KCNB2: variants seen among roughly 807,000 people sequenced by gnomAD.
The protein encoded by KCNB2 is potassium voltage-gated channel subfamily B member 2, also known as delayed rectifier potassium channel protein.
Under a neutral mutation model 61.5 loss-of-function variants are expected in KCNB2, and 15 were observed. The observed-to-expected ratio is 0.24, with a 90% CI of 0.16 to 0.38. The LOEUF (loss-of-function observed/expected upper bound fraction) is 0.38, where lower values mean the gene tolerates loss of function less well. Ranked by LOEUF, KCNB2 falls within the 10% of genes least tolerant of loss-of-function variation. The pLI is 1.00. For missense variants in KCNB2, 828 were observed against 1,125.2 expected, an observed-to-expected ratio of 0.74 and a Z score of 3.78; for synonymous variants, 457 against 446.0, an observed-to-expected ratio of 1.02 and a Z score of -0.31.
Position 72,937,353 on chromosome 8 carries a change from G to T in KCNB2, c.1998G>T (p.Thr666=). Residue 666 remains threonine (T), a synonymous_variant, in exon 3 of 3, where the codon ACG becomes ACT. Transcript: ENST00000523207. Reference sequence around the variant, plus strand: ...AAGGACCTGCTGCCAGGGATGGCACGCTGGAGTATGCCCCAGTTGACATAA... The same window carrying T: ...AAGGACCTGCTGCCAGGGATGGCACTCTGGAGTATGCCCCAGTTGACATAA... ...REKGPAARDG[T]LEYAPVDITV... The T allele has an allele frequency of 6.2e-7, 1 of 1,614,040 alleles. No homozygotes were observed. Among genetic ancestry groups the T allele is most frequent in the East Asian group, 2.2e-5 (1 of 44,844 alleles).
At chr8:72,573,723 G>C (rs1235873764) in intron 2 of KCNB2, among the ~76,000 whole-genome samples, 1 of 151,470 alleles carries the variant, frequency 6.6e-6, no homozygotes, top group African/African-American at 2.4e-5. Context: ...TCTACATTGA[G>C]GCCCCTCTGT....
intron 2 of KCNB2, among the ~76,000 whole-genome samples, chr8:72,648,760 A>G (rs1320328709): frequency 6.6e-6 from 1 of 152,128 alleles, no homozygotes; most frequent in Non-Finnish European, 1.5e-5. Context: ...TGAATAATGC[A>G]TATCAGAAAA....
chr8:72,819,918 T>C (rs1297778262), intron 2 of KCNB2, among the ~76,000 whole-genome samples: 1 of 152,152 alleles, frequency 6.6e-6, no homozygotes, highest in African/African-American at 2.4e-5. Flanking sequence ...CAAGTACCTG[T>C]GTCTTCATAT....
At chr8:72,855,840 A>G (rs1248471011) in intron 2 of KCNB2, among the ~76,000 whole-genome samples, 1 of 152,172 alleles carries the variant, frequency 6.6e-6, no homozygotes, top group Non-Finnish European at 1.5e-5. Flanking sequence ...CACGGATACC[A>G]CAATTGGTGG....
chr8:72,628,255 C>G (rs1805822969), intron 2 of KCNB2, among the ~76,000 whole-genome samples: 4 of 152,170 alleles, frequency 2.6e-5, no homozygotes. Context: ...CGTCTGGTCA[C>G]TGATGAAGTT....
At chr8:72,644,107 T>C (rs1409832103) in intron 2 of KCNB2, among the ~76,000 whole-genome samples, 2 of 152,096 alleles carry the variant, frequency 1.3e-5, no homozygotes, top group East Asian at 1.9e-4. Context: ...TAAAATGCCA[T>C]GTTCTTTGAA....
At chr8:72,906,152 AG>A (rs1806173008) in intron 2 of KCNB2, among the ~76,000 whole-genome samples, 1 of 152,214 alleles carries the variant, frequency 6.6e-6, no homozygotes, top group Admixed American at 6.5e-5. Context: ...GCTATATTTA[AG>A]GAAGCTTTAG....
chr8:72,591,651 C>A (rs16938246), intron 2 of KCNB2, among the ~76,000 whole-genome samples: 40,718 of 151,828 alleles, frequency 0.27, 6,660 homozygotes, highest in East Asian at 0.49. Flanking sequence ...AATTCTCAAG[C>A]TTTTAAGGAG....
intron 2 of KCNB2, among the ~76,000 whole-genome samples, chr8:72,785,025 A>G (rs1387540412): frequency 1.3e-5 from 2 of 152,146 alleles, no homozygotes; most frequent in East Asian, 3.8e-4. Context: ...TTAGACTTTC[A>G]GATTTTTTAA....
chr8:72,860,336 C>CATCA (rs1810279058), intron 2 of KCNB2, among the ~76,000 whole-genome samples: 1 of 152,178 alleles, frequency 6.6e-6, no homozygotes. Context: ...TCCACATTCC[C>CATCA]ATCAACACTT....
chr8:72,722,857 A>G (rs1807574236), intron 2 of KCNB2, among the ~76,000 whole-genome samples: 2 of 152,224 alleles, frequency 1.3e-5, no homozygotes, highest in South Asian at 4.1e-4. Flanking sequence ...AGTGCCTGCT[A>G]TGGAGAATGC....
At chr8:72,723,471 C>T (rs372563938) in intron 2 of KCNB2, among the ~76,000 whole-genome samples, 17 of 152,264 alleles carry the variant, frequency 1.1e-4, no homozygotes, top group African/African-American at 3.4e-4. Context: ...AGACTGTGTG[C>T]GCTCTCACAG....
intron 2 of KCNB2, among the ~76,000 whole-genome samples, chr8:72,571,979 A>T (rs1277995251): frequency 6.6e-6 from 1 of 152,174 alleles, no homozygotes; most frequent in Non-Finnish European, 1.5e-5. Context: ...TAAATATTGC[A>T]TATAGTGACT....
intron 2 of KCNB2, among the ~76,000 whole-genome samples, chr8:72,798,244 T>G (rs80125983): frequency 2.3e-3 from 349 of 152,306 alleles, no homozygotes; most frequent in Middle Eastern, 0.01. Flanking sequence ...TGTTATGTTT[T>G]AAGACTAGCC....
At chr8:72,610,160 G>T (rs1805515747) in intron 2 of KCNB2, among the ~76,000 whole-genome samples, 1 of 152,168 alleles carries the variant, frequency 6.6e-6, no homozygotes, top group Non-Finnish European at 1.5e-5. Flanking sequence ...GCAGGTAATT[G>T]TTGGAGAGAA....
intron 2 of KCNB2, among the ~76,000 whole-genome samples, chr8:72,908,766 C>T (rs1459180816): frequency 6.6e-6 from 1 of 152,206 alleles, no homozygotes; most frequent in Non-Finnish European, 1.5e-5. Flanking sequence ...CCTCTGCTTC[C>T]TTGGAAGAGT....
intron 2 of KCNB2, among the ~76,000 whole-genome samples, chr8:72,673,424 A>C (rs1806599068): frequency 6.6e-6 from 1 of 152,186 alleles, no homozygotes; most frequent in African/African-American, 2.4e-5. Context: ...CCACCATGTG[A>C]AGAAAAACAT....
intron 2 of KCNB2, among the ~76,000 whole-genome samples, chr8:72,683,947 T>C (rs532254789): frequency 3.9e-5 from 6 of 152,174 alleles, no homozygotes; most frequent in Non-Finnish European, 8.8e-5. Flanking sequence ...TTTATACTTT[T>C]TCCCTTGAAT....
chr8:72,595,705 C>T (rs1563533628), intron 2 of KCNB2, among the ~76,000 whole-genome samples: 1 of 152,114 alleles, frequency 6.6e-6, no homozygotes, highest in Non-Finnish European at 1.5e-5. Flanking sequence ...GTAAGGTGGT[C>T]CTGGTCATGT....
Sources: allele counts gnomAD v4.1 joint callset (sites outside exome capture counted in the v4.1 genomes callset), GRCh38; gene constraint gnomAD v4.1.1; transcripts MANE v1.5; gene names NCBI Gene and HGNC (gene_info 2026-07-23, HGNC 2026-07-21).